SORCS2: variants seen among roughly 807,000 people sequenced by gnomAD.
SORCS2 encodes the protein sortilin related VPS10 domain containing receptor 2, also known as VPS10 domain-containing receptor SorCS2.
In SORCS2, 100 loss-of-function variants were observed where a neutral mutation model predicts 141.6. That is an observed-to-expected ratio of 0.71 (90% confidence interval 0.60 to 0.83). The LOEUF is 0.83. SORCS2 is among the 40% of genes least tolerant of loss of function. The probability of loss-of-function intolerance (pLI) is 0.00; values close to 1 mark genes in which losing one functional copy is unlikely to be tolerated. For synonymous variants in SORCS2, 789 were observed against 676.9 expected, an observed-to-expected ratio of 1.17 and a Z score of -2.57; for missense variants, 1,646 against 1,560.2, an observed-to-expected ratio of 1.05 and a Z score of -0.93.
chr4:7,442,895 C>A (rs878887519), intron 2 of SORCS2, among the ~76,000 whole-genome samples: 5 of 152,124 alleles, frequency 3.3e-5, no homozygotes, highest in South Asian at 2.1e-4. Flanking sequence ...AGAGTGTTGG[C>A]GGGGCCGTGC....
intron 2 of SORCS2, among the ~76,000 whole-genome samples, chr4:7,415,395 C>T (rs1221173738): frequency 6.6e-6 from 1 of 152,238 alleles, no homozygotes. Flanking sequence ...ATCCGTGGCT[C>T]AGGCCTTCCC....
intron 3 of SORCS2, among the ~76,000 whole-genome samples, chr4:7,534,219 A>G (rs1166005847): frequency 6.6e-6 from 1 of 152,218 alleles, no homozygotes; most frequent in African/African-American, 2.4e-5. Context: ...TGCCGAGTGG[A>G]CACTGTAGCC....
At chr4:7,718,273 T>C (rs1726337779) in intron 18 of SORCS2, 90 bp downstream of exon 18, 1 of 1,463,326 alleles carries the variant, frequency 6.8e-7, no homozygotes, top group Non-Finnish European at 9.2e-7. Flanking sequence ...GGGTGTCTCC[T>C]CCACCTAGAA....
chr4:7,215,235 C>T (rs961485835), intron 1 of SORCS2, among the ~76,000 whole-genome samples: 6 of 152,162 alleles, frequency 3.9e-5, no homozygotes, highest in African/African-American at 1.4e-4. Context: ...AGCAGGCCGG[C>T]CCTGCTGGCC....
chr4:7,708,623 C>G (rs769534364), intron 14 of SORCS2, among the ~76,000 whole-genome samples: 7 of 152,198 alleles, frequency 4.6e-5, no homozygotes, highest in Non-Finnish European at 1.0e-4. Context: ...CCCTCTGCCC[C>G]AAGTCCTCCC....
intron 3 of SORCS2, among the ~76,000 whole-genome samples, chr4:7,597,407 T>C (rs1446767189): frequency 1.4e-5 from 2 of 140,404 alleles, no homozygotes; most frequent in East Asian, 4.3e-4. Context: ...GGAGGGGCTG[T>C]TGCAATAGGA....
At chr4:7,521,344 C>T (rs926672642) in intron 2 of SORCS2, among the ~76,000 whole-genome samples, 3 of 152,116 alleles carry the variant, frequency 2.0e-5, no homozygotes, top group Non-Finnish European at 2.9e-5. Context: ...ACTGGGCACC[C>T]CCTCCGGCAC....
intron 23 of SORCS2, among the ~76,000 whole-genome samples, chr4:7,731,083 C>T (rs1328040041): frequency 1.3e-5 from 2 of 152,224 alleles, no homozygotes; most frequent in East Asian, 3.9e-4. Flanking sequence ...GGACCGGAGG[C>T]AATCAAACAG....
chr4:7,691,637 C>T (rs866112335), intron 11 of SORCS2, among the ~76,000 whole-genome samples: 5 of 152,222 alleles, frequency 3.3e-5, no homozygotes, highest in Middle Eastern at 3.4e-3. Flanking sequence ...AAATGTGACC[C>T]ATCAGCATCA....
chr4:7,682,034 C>T (rs1051692878), intron 9 of SORCS2, among the ~76,000 whole-genome samples: 5 of 152,210 alleles, frequency 3.3e-5, no homozygotes, highest in African/African-American at 1.2e-4. Flanking sequence ...CAGGAAAAGA[C>T]CCTCTCTGGG....
chr4:7,485,362 G>A lies in SORCS2; in HGVS notation c.549-46168G>A, dbSNP rs543018363. ...CCTGGGCCATCCCAGCCAAGGCCCC[G>A]GAGTTGCCTCCACAACTATCCCGTC... On this transcript the variant is annotated intron_variant, in intron 2 of 26. Transcript: ENST00000507866. 2.0e-4 allele frequency among the ~76,000 whole-genome samples: 31 copies of A among 152,320 alleles called. No individual in the cohort carries two copies. In the South Asian group the frequency reaches 5.2e-3, roughly 25 times the overall value.
chr4:7,490,036 G>A (rs1041085162), intron 2 of SORCS2, among the ~76,000 whole-genome samples: 44 of 152,210 alleles, frequency 2.9e-4, no homozygotes, highest in African/African-American at 1.0e-3. Context: ...GACAACAGGA[G>A]GAGTCTGATA....
In SORCS2 at chr4:7,309,509, C is replaced by T. The variant is rs369092521; in HGVS notation, c.481-86779C>T. ...CCTGGTTGACACCGGGCGACACAGA[C>T]GATGGGCTCTTTGTCGGAAGCATTT... is the stretch of plus-strand genomic sequence containing the variant. On this transcript the variant is annotated intron_variant, in intron 1 of 26. Transcript: ENST00000507866. Among the ~76,000 whole-genome samples the T allele has an allele frequency of 1.9e-3, 291 of 152,318 alleles. 1 individual carries two copies. Among genetic ancestry groups the T allele is most frequent in the African/African-American group, 6.7e-3 (278 of 41,576 alleles).
At chr4:7,217,894 C>T (rs774986932) in intron 1 of SORCS2, among the ~76,000 whole-genome samples, 12 of 152,112 alleles carry the variant, frequency 7.9e-5, no homozygotes, top group Admixed American at 1.3e-4. Flanking sequence ...TGGCGAGGGT[C>T]GAGAGTCCAG....
intron 1 of SORCS2, among the ~76,000 whole-genome samples, chr4:7,365,977 T>C (rs942109624): frequency 1.3e-5 from 2 of 152,180 alleles, no homozygotes; most frequent in African/African-American, 4.8e-5. Context: ...ACAGTCAGTA[T>C]GGGGAGTCCT....
intron 4 of SORCS2, among the ~76,000 whole-genome samples, chr4:7,650,568 C>CA (rs1721371405): frequency 6.6e-6 from 1 of 152,206 alleles, no homozygotes; most frequent in Non-Finnish European, 1.5e-5. Flanking sequence ...ACCCTAGACT[C>CA]ACAGACGCTC....
chr4:7,404,480 G>C (rs1398248447), intron 2 of SORCS2, among the ~76,000 whole-genome samples: 1 of 152,064 alleles, frequency 6.6e-6, no homozygotes, highest in Non-Finnish European at 1.5e-5. Context: ...CAGTGTACAA[G>C]AGTTGCACTG....
chr4:7,602,778 A>T (rs1362188745), intron 3 of SORCS2, among the ~76,000 whole-genome samples: 1 of 152,264 alleles, frequency 6.6e-6, no homozygotes, highest in East Asian at 1.9e-4. Context: ...AGAGGCTGCA[A>T]TCTCGGCACT....
At chr4:7,387,749 CAG>C (rs1297706858) in intron 1 of SORCS2, among the ~76,000 whole-genome samples, 4 of 134,190 alleles carry the variant, frequency 3.0e-5, no homozygotes, top group Admixed American at 7.2e-5. Context: ...CATGCACACA[CAG>C]ATACACAGAA....
Sources: allele counts gnomAD v4.1 joint callset (sites outside exome capture counted in the v4.1 genomes callset), GRCh38; gene constraint gnomAD v4.1.1; transcripts MANE v1.5; gene names NCBI Gene and HGNC (gene_info 2026-07-23, HGNC 2026-07-21).